PIGK: variants seen among roughly 807,000 people sequenced by gnomAD.
PIGK encodes the protein GPI-anchor transamidase.
PIGK carries 42 observed loss-of-function variants against 50.6 expected under a neutral mutation model. The ratio of observed to expected loss-of-function variants is 0.83; its 90% CI spans 0.65 to 1.07. PIGK has a LOEUF of 1.07. Ranked by LOEUF, PIGK falls within the 50% of genes least tolerant of loss-of-function variation. The pLI is 0.00. For missense variants in PIGK, 448 were observed against 488.7 expected (o/e 0.92, Z 0.78); for synonymous variants, 151 against 156.0 (o/e 0.97, Z 0.24).
chr1:77,171,909 A>T (rs1256119494), intron 3 of PIGK, among the ~76,000 whole-genome samples: 1 of 152,156 alleles, frequency 6.6e-6, no homozygotes, highest in African/African-American at 2.4e-5. Context: ...TTCTTACAAA[A>T]CTATGAAATC....
At chr1:77,115,437 G>T (rs953482359) in intron 10 of PIGK, among the ~76,000 whole-genome samples, 11 of 151,750 alleles carry the variant, frequency 7.2e-5, no homozygotes, top group Admixed American at 3.9e-4. Flanking sequence ...AAAGGTGAGG[G>T]CATTTTTTTT....
chr1:77,146,554 G>A (rs1654773222), intron 9 of PIGK, among the ~76,000 whole-genome samples: 1 of 152,142 alleles, frequency 6.6e-6, no homozygotes, highest in African/African-American at 2.4e-5. Flanking sequence ...CCAGCACTTT[G>A]GGAGGCAGAG....
At chr1:77,122,037 C>G (rs1428901121) in intron 10 of PIGK, among the ~76,000 whole-genome samples, 2 of 152,044 alleles carry the variant, frequency 1.3e-5, no homozygotes, top group Non-Finnish European at 2.9e-5. Context: ...AAAAGATAAT[C>G]CTTATTTTAT....
At chr1:77,167,416 A>C (rs1333596494) in intron 4 of PIGK, among the ~76,000 whole-genome samples, 1 of 152,206 alleles carries the variant, frequency 6.6e-6, no homozygotes, top group African/African-American at 2.4e-5. Context: ...TGCTATGTGA[A>C]GTGCTGCCTT....
At chr1:77,151,462 C>T (rs1654892147) in intron 9 of PIGK, among the ~76,000 whole-genome samples, 2 of 152,130 alleles carry the variant, frequency 1.3e-5, no homozygotes, top group African/African-American at 4.8e-5. Flanking sequence ...ACTCTCATCA[C>T]TTCTATCCAA....
chr1:77,193,095 ATATAAAACTC>A (rs1655947683), intron 3 of PIGK, among the ~76,000 whole-genome samples: 1 of 152,216 alleles, frequency 6.6e-6, no homozygotes, highest in South Asian at 2.1e-4. Context: ...GAAACCATTA[ATATAAAACTC>A]TGTGAAATAT....
chr1:77,168,144 G>A (rs1278382142), intron 4 of PIGK, among the ~76,000 whole-genome samples: 3 of 152,054 alleles, frequency 2.0e-5, no homozygotes, highest in Non-Finnish European at 2.9e-5. Context: ...CACTTTAAAC[G>A]AGATTTTCCC....
intron 3 of PIGK, among the ~76,000 whole-genome samples, chr1:77,178,979 AGTTATGGGTGGCCACT>A (rs1655550430): frequency 6.6e-6 from 1 of 152,212 alleles, no homozygotes; most frequent in South Asian, 2.1e-4. Flanking sequence ...TTTTTTTAAA[AGTTATGGGTGGCCACT>A]GTTTTGGACT....
At chr1:77,159,926 G>C (rs1229887941) in intron 8 of PIGK, among the ~76,000 whole-genome samples, 1 of 152,150 alleles carries the variant, frequency 6.6e-6, no homozygotes, top group Non-Finnish European at 1.5e-5. Flanking sequence ...TGTTGGGAAG[G>C]CACGATTGGT....
chr1:77,160,259 T>C (rs940915855), intron 8 of PIGK, among the ~76,000 whole-genome samples: 9 of 152,224 alleles, frequency 5.9e-5, no homozygotes, highest in African/African-American at 1.9e-4. Context: ...CATGTGGAAC[T>C]GTGAGTCCAT....
At chr1:77,199,722 T>C (rs891405886) in intron 3 of PIGK, among the ~76,000 whole-genome samples, 3 of 151,922 alleles carry the variant, frequency 2.0e-5, no homozygotes, top group African/African-American at 7.2e-5. Flanking sequence ...CAAAAGATAT[T>C]TAGATAGAAA....
rs146592440 is a variant in PIGK, at chr1:77,162,596, T to C, written c.585-885A>G. Among the ~76,000 whole-genome samples, 413 of 152,266 alleles carry C rather than the reference T, an allele frequency of 2.7e-3. 1 individual carries two copies. Among genetic ancestry groups the C allele is most frequent in the African/African-American group, 9.4e-3 (391 of 41,570 alleles). On this transcript the variant is annotated intron_variant, in intron 6 of 10. Transcript: ENST00000370812. The stretch of plus-strand genomic sequence containing the variant: ...TTGTTTTAATGAAAGAATAATATAA[T>C]CAGGTATCCATTGCACAATAAGCTG...
intron 10 of PIGK, among the ~76,000 whole-genome samples, chr1:77,121,640 T>C (rs1325770337): frequency 2.9e-4 from 44 of 152,196 alleles, no homozygotes. Flanking sequence ...CTAAAGGCTA[T>C]AACTCTAGTC....
intron 3 of PIGK, among the ~76,000 whole-genome samples, chr1:77,193,284 T>TGTGTGTG (rs1655954057): frequency 4.0e-5 from 6 of 150,888 alleles, no homozygotes; most frequent in South Asian, 2.1e-4. Flanking sequence ...TGTGTGTGTG[T>TGTGTGTG]TTCTCCTAAG....
chr1:77,204,210 A>C (rs1254480262), intron 3 of PIGK, among the ~76,000 whole-genome samples: 1 of 152,118 alleles, frequency 6.6e-6, no homozygotes, highest in African/African-American at 2.4e-5. Context: ...AGAGGTCTCT[A>C]AAATGGCCAC....
intron 10 of PIGK, among the ~76,000 whole-genome samples, chr1:77,101,355 C>T (rs7543646): frequency 1.9e-4 from 29 of 151,072 alleles, no homozygotes; most frequent in Non-Finnish European, 3.7e-4. Flanking sequence ...AGTCTATTCT[C>T]ATACCCCAGT....
At chr1:77,128,012 T>C (rs1357777221) in intron 9 of PIGK, among the ~76,000 whole-genome samples, 3 of 152,194 alleles carry the variant, frequency 2.0e-5, no homozygotes, top group Non-Finnish European at 4.4e-5. Flanking sequence ...TGAAGTTTAT[T>C]GGTCAATGGA....
At chr1:77,123,469 T>C (rs989288895) in intron 9 of PIGK, among the ~76,000 whole-genome samples, 9 of 152,116 alleles carry the variant, frequency 5.9e-5, no homozygotes, top group Non-Finnish European at 1.2e-4. Flanking sequence ...CAAGAACCTC[T>C]TATCTAGGTA....
chr1:77,096,890 T>TC (rs71875493), intron 10 of PIGK, among the ~76,000 whole-genome samples: 2 of 148,162 alleles, frequency 1.3e-5, no homozygotes, highest in Admixed American at 1.3e-4. Flanking sequence ...TCTTTTTTTT[T>TC]TTTTTTTGTT....
Sources: allele counts gnomAD v4.1 joint callset (sites outside exome capture counted in the v4.1 genomes callset), GRCh38; gene constraint gnomAD v4.1.1; transcripts MANE v1.5; gene names NCBI Gene and HGNC (gene_info 2026-07-23, HGNC 2026-07-21).